GRID2: variants seen among roughly 807,000 people sequenced by gnomAD.
GRID2 encodes glutamate ionotropic receptor delta type subunit 2, also known as glutamate receptor ionotropic, delta-2.
Under a neutral mutation model 114.8 loss-of-function variants are expected in GRID2, and 33 were observed. The ratio of observed to expected loss-of-function variants is 0.29; its 90% CI spans 0.22 to 0.38. The LOEUF is 0.38. Ranked by LOEUF, GRID2 falls within the 10% of genes least tolerant of loss-of-function variation. GRID2 has a pLI of 1.00. For missense variants in GRID2, 1,184 were observed against 1,257.7 expected (o/e 0.94, Z 0.89); for synonymous variants, 505 against 449.9 (o/e 1.12, Z -1.55).
intron 2 of GRID2, among the ~76,000 whole-genome samples, chr4:93,075,883 C>CTTTTTTTTTTTTTTT (rs10706922): frequency 3.9e-5 from 3 of 76,606 alleles, no homozygotes; most frequent in African/African-American, 5.3e-5. Flanking sequence ...AGTTACCTCT[C>CTTTTTTTTTTTTTTT]TTTTTTTTTT....
At chr4:92,687,266 G>A (rs1733953363) in intron 2 of GRID2, among the ~76,000 whole-genome samples, 2 of 150,208 alleles carry the variant, frequency 1.3e-5, no homozygotes, top group Admixed American at 1.3e-4. Flanking sequence ...TCTTTTTGAA[G>A]CACACCAACT....
intron 12 of GRID2, among the ~76,000 whole-genome samples, chr4:93,493,234 A>G (rs1727190427): frequency 6.6e-6 from 1 of 151,874 alleles, no homozygotes; most frequent in Non-Finnish European, 1.5e-5. Flanking sequence ...TAAATCGTAA[A>G]AAGTTTAAAT....
intron 1 of GRID2, among the ~76,000 whole-genome samples, chr4:92,473,745 A>G (rs1044724831): frequency 3.9e-5 from 6 of 152,200 alleles, no homozygotes; most frequent in South Asian, 2.1e-4. Flanking sequence ...GTGTTGTTCA[A>G]GTCTTACTGA....
At position 93,773,665 on chromosome 4, in the gene GRID2, A is replaced by C. The variant is rs1329523278; in HGVS notation, c.*1167A>C. On this transcript the variant is annotated 3_prime_UTR_variant, in exon 16 of 16. Transcript: ENST00000282020. Reference sequence around the variant, plus strand: ...AAGGTTAAAAATCCTCTTCCAAAGCAGCAAGTCAATCAATACAATAATGAT... The same window carrying C: ...AAGGTTAAAAATCCTCTTCCAAAGCCGCAAGTCAATCAATACAATAATGAT... The C allele has an allele frequency of 6.6e-6, 1 of 152,172 alleles. No individual in the cohort carries two copies. Among genetic ancestry groups the C allele is most frequent in the East Asian group, 1.9e-4 (1 of 5,198 alleles). The allele number at this position is 152,172 out of a possible 1,614,324, so 9.4% of individuals were successfully genotyped here.
intron 8 of GRID2, among the ~76,000 whole-genome samples, chr4:93,274,161 ATAATAT>A (rs1194080601): frequency 6.6e-6 from 1 of 152,124 alleles, no homozygotes; most frequent in African/African-American, 2.4e-5. Context: ...TATTTTTATC[ATAATAT>A]TAATATTCTT....
chr4:93,327,821 C>T (rs1758003592), intron 8 of GRID2, among the ~76,000 whole-genome samples: 1 of 151,896 alleles, frequency 6.6e-6, no homozygotes, highest in Non-Finnish European at 1.5e-5. Context: ...ATGCAAAAGG[C>T]CCTGACTTTA....
intron 7 of GRID2, among the ~76,000 whole-genome samples, chr4:93,233,815 A>T (rs977303827): frequency 6.6e-6 from 1 of 152,124 alleles, no homozygotes; most frequent in Admixed American, 6.6e-5. Context: ...CATGGGATGG[A>T]TAGAAGTAGA....
At chr4:92,756,769 G>A (rs1737738817) in intron 2 of GRID2, among the ~76,000 whole-genome samples, 1 of 152,004 alleles carries the variant, frequency 6.6e-6, no homozygotes, top group African/African-American at 2.4e-5. Flanking sequence ...CTTTTGAGTA[G>A]TGTGTATTTA....
chr4:92,677,370 A>G (rs555742397), intron 2 of GRID2, among the ~76,000 whole-genome samples: 35 of 152,214 alleles, frequency 2.3e-4, no homozygotes, highest in Non-Finnish European at 4.6e-4. Context: ...GAGGAATAAG[A>G]CAACTTGGCA....
At chr4:93,414,360 T>C (rs531094875) in intron 9 of GRID2, among the ~76,000 whole-genome samples, 1 of 152,222 alleles carries the variant, frequency 6.6e-6, no homozygotes, top group South Asian at 2.1e-4. Flanking sequence ...TCTGGCTTCC[T>C]ATCTTAGTCA....
chr4:92,597,733 A>C (rs112290795), intron 2 of GRID2, among the ~76,000 whole-genome samples: 2,582 of 152,260 alleles, frequency 0.017, 75 homozygotes, highest in African/African-American at 0.059. Flanking sequence ...ACTTTTAATC[A>C]GTCTTTTTTG....
intron 2 of GRID2, among the ~76,000 whole-genome samples, chr4:92,919,664 G>C (rs1749137424): frequency 6.6e-6 from 1 of 152,192 alleles, no homozygotes; most frequent in South Asian, 2.1e-4. Context: ...GAGCGGTTTT[G>C]AGTGAGTTTC....
chr4:92,682,867 A>G (rs563487177), intron 2 of GRID2, among the ~76,000 whole-genome samples: 2 of 152,322 alleles, frequency 1.3e-5, no homozygotes, highest in East Asian at 3.9e-4. Flanking sequence ...AATTACTAGT[A>G]AGTTAATAAA....
rs1260006549 is a variant in GRID2 at position 92,722,065 on chromosome 4, A to AG, written c.244+131780dup. ...TAGCCTGAGTGATCAAAAGATTCAT[A>AG]GAGATACTCAGCAACCAAAATGGTT... On this transcript the variant is annotated intron_variant, in intron 2 of 15. Coordinates refer to ENST00000282020, the MANE Select transcript of GRID2 (RefSeq NM_001510.4). Among the ~76,000 whole-genome samples the AG allele has an allele frequency of 8.9e-4, 136 of 152,304 alleles. 1 individual carries two copies. Among genetic ancestry groups the AG allele is most frequent in the African/African-American group, 3.0e-3 (126 of 41,568 alleles).
intron 1 of GRID2, among the ~76,000 whole-genome samples, chr4:93,789,820 G>C (rs543827008): frequency 6.6e-6 from 1 of 152,244 alleles, no homozygotes; most frequent in South Asian, 2.1e-4. Context: ...TAGAGCAGGA[G>C]TCCCCAATCC....
intron 1 of GRID2, among the ~76,000 whole-genome samples, chr4:92,336,356 C>T (rs918950653): frequency 2.0e-5 from 3 of 152,182 alleles, no homozygotes; most frequent in African/African-American, 7.2e-5. Context: ...TCTCCAACCT[C>T]CTAACCAATT....
intron 2 of GRID2, among the ~76,000 whole-genome samples, chr4:92,950,031 T>C (rs1470718218): frequency 6.6e-6 from 1 of 152,100 alleles, no homozygotes; most frequent in Non-Finnish European, 1.5e-5. Flanking sequence ...TATAACTATT[T>C]GAGAAAAGAA....
intron 13 of GRID2, among the ~76,000 whole-genome samples, chr4:93,585,971 A>C (rs773319016): frequency 6.6e-6 from 1 of 151,940 alleles, no homozygotes; most frequent in Non-Finnish European, 1.5e-5. Flanking sequence ...CATGTTTTGC[A>C]CTTTCCTGTG....
chr4:93,666,076 A>G (rs1723921002), intron 14 of GRID2, among the ~76,000 whole-genome samples: 2 of 152,114 alleles, frequency 1.3e-5, no homozygotes, highest in African/African-American at 4.8e-5. Context: ...TTTATTTCCC[A>G]AAATGTCTTG....
Sources: gnomAD v4.1 joint callset for allele counts (sites outside exome capture counted in the v4.1 genomes callset) on GRCh38, gnomAD v4.1.1 for gene constraint, MANE v1.5 for transcripts, NCBI Gene and HGNC (gene_info 2026-07-23, HGNC 2026-07-21) for gene names.